ROR2: variants seen among roughly 807,000 people sequenced by gnomAD.
The protein encoded by ROR2 is ROR family WNT receptor 2.
In ROR2, 33 loss-of-function variants were observed where a neutral mutation model predicts 74.9. The observed-to-expected ratio is 0.44, with a 90% CI of 0.33 to 0.59. The LOEUF (loss-of-function observed/expected upper bound fraction) is 0.59. Ranked by LOEUF, ROR2 falls within the 20% of genes least tolerant of loss-of-function variation. The probability of loss-of-function intolerance (pLI) is 0.02; values close to 1 mark genes in which losing one functional copy is unlikely to be tolerated. For missense variants in ROR2, 1,216 were observed against 1,313.8 expected, an observed-to-expected ratio of 0.93 and a Z score of 1.15; for synonymous variants, 586 against 558.7, an observed-to-expected ratio of 1.05 and a Z score of -0.69.
intron 1 of ROR2, among the ~76,000 whole-genome samples, chr9:91,895,264 A>G (rs1338894149): frequency 6.6e-6 from 1 of 152,248 alleles, no homozygotes; most frequent in Admixed American, 6.5e-5. Context: ...GAAGGGATGA[A>G]TAAGTGGAGT....
At chr9:91,727,757 G>A (rs1272187754) in intron 7 of ROR2, among the ~76,000 whole-genome samples, 1 of 152,152 alleles carries the variant, frequency 6.6e-6, no homozygotes, top group Admixed American at 6.5e-5. Flanking sequence ...GGGGCAAAGC[G>A]CTTCTCATCT....
At chr9:91,902,724 T>C (rs1055991387) in intron 1 of ROR2, among the ~76,000 whole-genome samples, 8 of 152,216 alleles carry the variant, frequency 5.3e-5, no homozygotes, top group Admixed American at 3.3e-4. Flanking sequence ...ATGGAGTTAA[T>C]ATGTAAACAT....
intron 1 of ROR2, among the ~76,000 whole-genome samples, chr9:91,901,475 A>C (rs1008388891): frequency 2.0e-5 from 3 of 152,200 alleles, no homozygotes; most frequent in African/African-American, 7.2e-5. Context: ...ACGTCATTTC[A>C]AATGTGGGCT....
At chr9:91,740,130 G>A (rs1825170412) in intron 4 of ROR2, among the ~76,000 whole-genome samples, 1 of 152,206 alleles carries the variant, frequency 6.6e-6, no homozygotes, top group Non-Finnish European at 1.5e-5. Flanking sequence ...CGCTGGTCAG[G>A]TGCCCACAGG....
At chr9:91,811,832 G>A (rs1183886960) in intron 1 of ROR2, among the ~76,000 whole-genome samples, 2 of 152,188 alleles carry the variant, frequency 1.3e-5, no homozygotes, top group African/African-American at 4.8e-5. Context: ...GTATCTGTGT[G>A]TCTTTCTATT....
chr9:91,865,546 T>A (rs568955402), intron 1 of ROR2, among the ~76,000 whole-genome samples: 8 of 152,204 alleles, frequency 5.3e-5, no homozygotes, highest in Admixed American at 2.0e-4. Flanking sequence ...AGCAGTTAGG[T>A]AAATACCTTA....
intron 1 of ROR2, among the ~76,000 whole-genome samples, chr9:91,945,092 A>G (rs1831980290): frequency 6.6e-6 from 1 of 152,116 alleles, no homozygotes; most frequent in African/African-American, 2.4e-5. Context: ...AAAAAAAAAA[A>G]AAAGTTAATA....
chr9:91,911,864 G>C (rs143240265), intron 1 of ROR2, among the ~76,000 whole-genome samples: 9 of 141,584 alleles, frequency 6.4e-5, no homozygotes, highest in East Asian at 4.4e-4. Context: ...AGAAATTCAC[G>C]TGCTTCCTGC....
chr9:91,881,112 G>A (rs757573384), intron 1 of ROR2, among the ~76,000 whole-genome samples: 3 of 152,160 alleles, frequency 2.0e-5, no homozygotes, highest in Non-Finnish European at 4.4e-5. Context: ...TACTCTACTT[G>A]CAACTTTCCA....
rs114801208 is a variant in ROR2 at position 91,934,055 on chromosome 9, C to T, written c.97+15812G>A. Among the ~76,000 whole-genome samples the T allele has an allele frequency of 5.4e-3, 823 of 152,090 alleles. 10 individuals are homozygous for T. Among genetic ancestry groups the T allele is most frequent in the African/African-American group, 0.018 (753 of 41,452 alleles). On this transcript the variant is annotated intron_variant, in intron 1 of 8. Transcript: ENST00000375708. ...GGAGAAGCACAAACAAGCACATGTG[C>T]GCAGAAAACATCAGGAATGAAGCAT...
intron 1 of ROR2, among the ~76,000 whole-genome samples, chr9:91,931,462 G>A (rs1831546455): frequency 6.6e-6 from 1 of 152,064 alleles, no homozygotes; most frequent in Admixed American, 6.6e-5. Flanking sequence ...CAAAATAATG[G>A]CTTAGGATAC....
At chr9:91,949,816 A>C (rs2118125026) in intron 1 of ROR2, 51 bp downstream of exon 1, 7 of 1,195,780 alleles carry the variant, frequency 5.9e-6, no homozygotes, top group Non-Finnish European at 8.4e-6. Flanking sequence ...AGGGCTGGCC[A>C]AGCGAGCCGT....
At chr9:91,771,845 G>A (rs914017140) in intron 2 of ROR2, among the ~76,000 whole-genome samples, 7 of 152,172 alleles carry the variant, frequency 4.6e-5, no homozygotes, top group African/African-American at 1.4e-4. Flanking sequence ...TTGGCCAAAG[G>A]TAAAGCTGTC....
intron 4 of ROR2, 80 bp downstream of exon 4, chr9:91,755,991 G>T: frequency 6.8e-7 from 1 of 1,474,688 alleles, no homozygotes; most frequent in Non-Finnish European, 9.5e-7. Flanking sequence ...ACATGAGCTG[G>T]CAGGATTTAA....
chr9:91,771,420 G>A (rs977200099), intron 2 of ROR2, among the ~76,000 whole-genome samples: 1 of 152,252 alleles, frequency 6.6e-6, no homozygotes, highest in Non-Finnish European at 1.5e-5. Context: ...TTCTAGGTCA[G>A]ATATAAGCCT....
At chr9:91,854,812 A>C (rs1357174216) in intron 1 of ROR2, among the ~76,000 whole-genome samples, 2 of 152,224 alleles carry the variant, frequency 1.3e-5, no homozygotes, top group Non-Finnish European at 2.9e-5. Flanking sequence ...GTTAGAGGTA[A>C]GGTTTGAATG....
chr9:91,902,041 A>T (rs1830689952), intron 1 of ROR2, among the ~76,000 whole-genome samples: 1 of 152,080 alleles, frequency 6.6e-6, no homozygotes. Context: ...TTTAATCCAC[A>T]CAACGGTTAA....
At position 91,722,715 on chromosome 9, in the gene ROR2, T is replaced by C. The variant is rs1046293278; in HGVS notation, c.*947A>G. 2.8e-6 allele frequency: 2 copies of C among 723,520 alleles called. No homozygotes were observed. Among genetic ancestry groups the C allele is most frequent in the East Asian group, 2.5e-5 (1 of 39,856 alleles). 44.8% of individuals were successfully genotyped at this position (723,520 alleles called of 1,614,324 possible). On this transcript the variant is annotated 3_prime_UTR_variant, in exon 9 of 9. Transcript: ENST00000375708. ...TCTGTGTGTAACAGGGGCTGTAAAA[T>C]GAATGGACCTCATGTGCACGTGGTA...
At chr9:91,729,584 C>G (rs557275109) in intron 7 of ROR2, among the ~76,000 whole-genome samples, 5 of 152,306 alleles carry the variant, frequency 3.3e-5, no homozygotes, top group Admixed American at 2.6e-4. Context: ...GAGGAGATCT[C>G]CAGGTGCATG....
Sources: allele counts gnomAD v4.1 joint callset (sites outside exome capture counted in the v4.1 genomes callset), GRCh38; gene constraint gnomAD v4.1.1; transcripts MANE v1.5; gene names NCBI Gene and HGNC (gene_info 2026-07-23, HGNC 2026-07-21).